Variants in PRPF39 observed in about 807,000 individuals in gnomAD.
PRPF39 encodes pre-mRNA processing factor 39, also known as pre-mRNA-processing factor 39.
In PRPF39, 27 loss-of-function variants were observed where a neutral mutation model predicts 82.1. The observed-to-expected ratio is 0.33, with a 90% CI of 0.24 to 0.45. PRPF39 has a LOEUF of 0.45. Ranked by LOEUF, PRPF39 falls within the 20% of genes least tolerant of loss-of-function variation. The pLI, the probability that PRPF39 is intolerant of heterozygous loss-of-function variation, is 1.00. For synonymous variants in PRPF39, 261 were observed against 256.4 expected (o/e 1.02, Z -0.17); for missense variants, 581 against 796.9 (o/e 0.73, Z 3.26).
rs1252971746 is a variant in PRPF39 at position 45,093,326 on chromosome 14, GAT to G, written c.-19-1893_-19-1892del. 2.0e-5 allele frequency among the ~76,000 whole-genome samples: 3 copies of G among 151,232 alleles called. No homozygotes were observed. The East Asian group carries it at 5.8e-4, about 29-fold the overall frequency. On this transcript the variant is annotated intron_variant, in intron 1 of 13. Coordinates refer to ENST00000355765, the MANE Select transcript of PRPF39 (RefSeq NM_017922.4). The stretch of plus-strand genomic sequence containing the variant: ...CAACCTTCACCTCCCGGGTTCAAGT[GAT>G]ACTCCTGCCTCAGCCTCCCGAGTAG...
chr14:45,092,609 A>G (rs989186361), intron 1 of PRPF39, among the ~76,000 whole-genome samples: 2 of 151,440 alleles, frequency 1.3e-5, no homozygotes, highest in African/African-American at 4.8e-5. Flanking sequence ...TCAAAAAAAA[A>G]AAAAAAAAAA....
chr14:45,109,229 T>C (rs1476567123), intron 7 of PRPF39, among the ~76,000 whole-genome samples: 1 of 152,220 alleles, frequency 6.6e-6, no homozygotes, highest in Non-Finnish European at 1.5e-5. Flanking sequence ...GCAATCAAGA[T>C]ACAGAACTCT....
chr14:45,110,283 A>C lies in PRPF39; in HGVS notation c.1303+63A>C. The C allele has an allele frequency of 6.3e-7, 1 of 1,591,154 alleles. No individual in the cohort carries two copies. The highest frequency in any genetic ancestry group is 8.6e-7 in the Non-Finnish European group (1 of 1,163,824). On this transcript the variant is annotated intron_variant, in intron 9 of 13. Transcript: ENST00000355765. This position sits in a 1 kb window ranked among gnomAD's most constrained non-coding sequence, Gnocchi z 4.0. ...TTAAGTTATTTCAGGAAACAGTGACAAATTGAGTGGTAAGGGATGGTGTAA... is the reference window on the plus strand; with the variant it reads ...TTAAGTTATTTCAGGAAACAGTGACCAATTGAGTGGTAAGGGATGGTGTAA...
At chr14:45,093,898 A>G (rs749403680) in intron 1 of PRPF39, among the ~76,000 whole-genome samples, 4 of 152,142 alleles carry the variant, frequency 2.6e-5, no homozygotes, top group Non-Finnish European at 4.4e-5. Context: ...TTGCTGTACA[A>G]CAGTGCTGGT....
At position 45,099,451 on chromosome 14, in the gene PRPF39, A is replaced by T. The variant is rs375190922; in HGVS notation, c.569+2446A>T. Among the ~76,000 whole-genome samples, 236 of 142,514 alleles carry T rather than the reference A, an allele frequency of 1.7e-3. 7 individuals are homozygous for T. In the South Asian group the frequency reaches 0.044, roughly 27 times the overall value. The allele number at this position is 142,514 out of a possible 152,430, so 93.5% of individuals were successfully genotyped here. A position where few individuals can be genotyped will look rare whatever the true frequency, so the allele number is the denominator to read the frequency against. ...TAACATCTTCCATCAGATTATTATT[A>T]TTTTTTTTTTTGAGACAGAGTCTCC... On this transcript the variant is annotated intron_variant, in intron 4 of 13. Coordinates refer to ENST00000355765, the MANE Select transcript of PRPF39 (RefSeq NM_017922.4).
In PRPF39 at chr14:45,110,421, A is replaced by G; in HGVS notation, c.1304-128A>G. 8.2e-7 allele frequency: 1 copy of G among 1,222,968 alleles called. No individual in the cohort carries two copies. The highest frequency in any genetic ancestry group is 1.1e-6 in the Non-Finnish European group (1 of 887,590). 75.8% of individuals were successfully genotyped at this position (1,222,968 alleles called of 1,614,324 possible). On this transcript the variant is annotated intron_variant, in intron 9 of 13. Transcript: ENST00000355765. This position sits in a 1 kb window ranked among gnomAD's most constrained non-coding sequence, Gnocchi z 4.0. ...CCGAAACAGCCATAGGCAGTGTGTAAATATGCATGGCTGTTTCCCATTATT... is the reference window on the plus strand; with the variant it reads ...CCGAAACAGCCATAGGCAGTGTGTAGATATGCATGGCTGTTTCCCATTATT...
intron 5 of PRPF39, among the ~76,000 whole-genome samples, chr14:45,105,286 A>C (rs1400874754): frequency 6.6e-6 from 1 of 152,140 alleles, no homozygotes; most frequent in African/African-American, 2.4e-5. Flanking sequence ...GTATGTAGTT[A>C]TTTTGAAATT....
chr14:45,096,664 C>T (rs1376227791), intron 3 of PRPF39: 20 of 1,503,316 alleles, frequency 1.3e-5, no homozygotes, highest in Non-Finnish European at 1.6e-5. Flanking sequence ...CCACACAACC[C>T]GGTCAGAATG....
At position 45,102,701 on chromosome 14, in the gene PRPF39, G is replaced by A; in HGVS notation, c.737+5G>A. 6.3e-7 allele frequency: 1 copy of A among 1,585,528 alleles called. No individual in the cohort carries two copies. The highest frequency in any genetic ancestry group is 8.6e-7 in the Non-Finnish European group (1 of 1,167,288). ...GTATAGTCATCATTTTCAGAGGTAG[G>A]TGGGAAATTCTGATCATTGAAACAT... On this transcript the variant is annotated splice_donor_5th_base_variant and intron_variant, in intron 5 of 13. Coordinates refer to ENST00000355765, the MANE Select transcript of PRPF39 (RefSeq NM_017922.4).
intron 1 of PRPF39, among the ~76,000 whole-genome samples, chr14:45,087,740 A>ATTTTTT (rs35926249): frequency 1.6e-5 from 2 of 123,426 alleles, no homozygotes; most frequent in African/African-American, 3.1e-5. Flanking sequence ...TGCCCGGCTA[A>ATTTTTT]TTTTTTTTTT....
At chr14:45,109,296 C>T (rs1369065353) in intron 7 of PRPF39, among the ~76,000 whole-genome samples, 2 of 152,186 alleles carry the variant, frequency 1.3e-5, no homozygotes, top group Non-Finnish European at 2.9e-5. Flanking sequence ...CCTCTCCACT[C>T]CTAGCACTAG....
At chr14:45,088,589 T>A (rs1744733158) in intron 1 of PRPF39, among the ~76,000 whole-genome samples, 1 of 152,226 alleles carries the variant, frequency 6.6e-6, no homozygotes, top group African/African-American at 2.4e-5. Flanking sequence ...TTTCTTACTA[T>A]TCATGTACAT....
intron 11 of PRPF39, among the ~76,000 whole-genome samples, chr14:45,113,379 G>A (rs1321740811): frequency 6.6e-6 from 1 of 152,224 alleles, no homozygotes; most frequent in Non-Finnish European, 1.5e-5. Context: ...GAATGAGGGT[G>A]TAGGGTTCTG....
chr14:45,101,107 T>G (rs1182756325), intron 4 of PRPF39, among the ~76,000 whole-genome samples: 1 of 152,192 alleles, frequency 6.6e-6, no homozygotes, highest in Non-Finnish European at 1.5e-5. Flanking sequence ...GTGCCAAACG[T>G]GTAATTACTA....
At chr14:45,097,540 C>G (rs970054528) in intron 4 of PRPF39, among the ~76,000 whole-genome samples, 5 of 152,118 alleles carry the variant, frequency 3.3e-5, no homozygotes, top group African/African-American at 1.2e-4. Context: ...TCAGTTTTAT[C>G]AAATGTTCCT....
intron 4 of PRPF39, among the ~76,000 whole-genome samples, chr14:45,100,216 C>G (rs1337431268): frequency 6.6e-6 from 1 of 151,738 alleles, no homozygotes; most frequent in African/African-American, 2.4e-5. Context: ...GGTGACAGAG[C>G]GAGACCCTGT....
intron 1 of PRPF39, among the ~76,000 whole-genome samples, chr14:45,092,345 A>G (rs1356707888): frequency 6.6e-6 from 1 of 152,122 alleles, no homozygotes; most frequent in Non-Finnish European, 1.5e-5. Context: ...GCTCACGCCT[A>G]TAATCCCAGC....
intron 3 of PRPF39, chr14:45,096,548 G>GTT (rs1884206725): frequency 7.0e-7 from 1 of 1,431,794 alleles, no homozygotes; most frequent in African/African-American, 1.4e-5. Flanking sequence ...AAACAATATA[G>GTT]TTGGTTTGCT....
At chr14:45,109,955 G>A (rs1884651742) in intron 8 of PRPF39, 139 bp from the exon 9 acceptor site, 3 of 1,546,438 alleles carry the variant, frequency 1.9e-6, no homozygotes, top group South Asian at 1.3e-5. Context: ...GCCTCTCTTC[G>A]TCCTTCCTTA....
Sources: allele counts gnomAD v4.1 joint callset (sites outside exome capture counted in the v4.1 genomes callset), GRCh38; gene constraint gnomAD v4.1.1; non-coding constraint Gnocchi (gnomAD v3.1); transcripts MANE v1.5; gene names NCBI Gene and HGNC (gene_info 2026-07-23, HGNC 2026-07-21).